AIM2: variants seen among roughly 807,000 people sequenced by gnomAD.
AIM2 encodes absent in melanoma 2, also known as interferon-inducible protein AIM2.
In AIM2, 30 loss-of-function variants were observed where a neutral mutation model predicts 27.7. The ratio of observed to expected loss-of-function variants is 1.08; its 90% confidence interval spans 0.81 to 1.47. AIM2 has a LOEUF of 1.47. Ranked by LOEUF, AIM2 falls within the 40% of genes most tolerant of loss-of-function variation. The probability of loss-of-function intolerance (pLI) is 0.00; values close to 1 mark genes in which losing one functional copy is unlikely to be tolerated. For missense variants in AIM2, 358 were observed against 411.3 expected (o/e 0.87, Z 1.12); for synonymous variants, 141 against 145.3 (o/e 0.97, Z 0.21).
At chr1:159,142,544 C>T (rs78435599), upstream of AIM2, among the ~76,000 whole-genome samples, 707 of 152,208 alleles carry the variant, frequency 4.6e-3, 11 homozygotes, top group African/African-American at 0.016. Flanking sequence ...TTGCTCAGCC[C>T]GGAATCCCTG....
At chr1:159,060,880 CATA>C (rs1655811694), downstream of AIM2, among the ~76,000 whole-genome samples, 1 of 152,130 alleles carries the variant, frequency 6.6e-6, no homozygotes, top group Non-Finnish European at 1.5e-5. Flanking sequence ...TGTGAACATA[CATA>C]ATTATTTCAA....
At chr1:159,067,572 C>T (rs1376535178) in intron 3 of AIM2, among the ~76,000 whole-genome samples, 1 of 152,192 alleles carries the variant, frequency 6.6e-6, no homozygotes, top group Non-Finnish European at 1.5e-5. Context: ...CTGAGGTCCA[C>T]TACAGAAGTC....
At chr1:159,084,778 T>TACACACAC (rs113134051) in intron 1 of AIM2, among the ~76,000 whole-genome samples, 24,783 of 134,852 alleles carry the variant, frequency 0.18, 2,926 homozygotes, top group Admixed American at 0.37. Flanking sequence ...CTGTCTGAAA[T>TACACACAC]ACACACACAC....
intron 1 of AIM2, among the ~76,000 whole-genome samples, chr1:159,127,354 C>T (rs1444224639): frequency 6.6e-6 from 1 of 152,228 alleles, no homozygotes; most frequent in African/African-American, 2.4e-5. Context: ...GCTCTCACGC[C>T]ACACTATCTT....
chr1:159,116,980 G>C (rs1395299757), intron 1 of AIM2, among the ~76,000 whole-genome samples: 1 of 151,204 alleles, frequency 6.6e-6, no homozygotes, highest in Admixed American at 6.6e-5. Flanking sequence ...TGTGAGTACA[G>C]AAAAAAAAAT....
chr1:159,129,888 C>T (rs1647821022), intron 1 of AIM2, among the ~76,000 whole-genome samples: 1 of 152,192 alleles, frequency 6.6e-6, no homozygotes, highest in South Asian at 2.1e-4. Flanking sequence ...CCTCCAGCTC[C>T]CATCCCATCC....
chr1:159,089,558 T>G (rs1372104716), intron 1 of AIM2, among the ~76,000 whole-genome samples: 3 of 152,238 alleles, frequency 2.0e-5, no homozygotes, highest in African/African-American at 7.2e-5. Context: ...CTGCTTAGTT[T>G]CACTATCTGG....
intron 1 of AIM2, among the ~76,000 whole-genome samples, chr1:159,102,731 T>G (rs1223043694): frequency 1.3e-5 from 2 of 152,238 alleles, no homozygotes; most frequent in East Asian, 3.8e-4. Flanking sequence ...ATGGGGCCTG[T>G]AGCCCCTTCT....
chr1:159,068,791 C>T (rs1656229782), intron 2 of AIM2, 90 bp from the exon 3 acceptor site: 2 of 1,308,626 alleles, frequency 1.5e-6, no homozygotes, highest in African/African-American at 1.5e-5. Flanking sequence ...AATACTAAAA[C>T]CATATTAAGA....
intron 3 of AIM2, among the ~76,000 whole-genome samples, chr1:159,067,862 C>G (rs1049549377): frequency 6.6e-6 from 1 of 152,070 alleles, no homozygotes; most frequent in Admixed American, 6.6e-5. Flanking sequence ...GCCTTTCTAA[C>G]GTTGTCTGCC....
At chr1:159,134,530 C>T (rs1427726637) in intron 1 of AIM2, among the ~76,000 whole-genome samples, 3 of 152,342 alleles carry the variant, frequency 2.0e-5, no homozygotes, top group South Asian at 2.1e-4. Flanking sequence ...AAACCAAACT[C>T]GCTTTACAGT....
intron 4 of AIM2, 95 bp downstream of exon 4, chr1:159,065,815 G>T (rs1656064632): frequency 5.3e-6 from 7 of 1,311,464 alleles, no homozygotes; most frequent in Non-Finnish European, 5.2e-6. Flanking sequence ...TGTCTATATA[G>T]AAAGACATTA....
intron 1 of AIM2, among the ~76,000 whole-genome samples, chr1:159,116,626 T>C (rs1464634812): frequency 1.3e-5 from 2 of 152,054 alleles, no homozygotes; most frequent in African/African-American, 4.8e-5. Flanking sequence ...AGGTGGGAAC[T>C]GAACAATGAG....
intron 1 of AIM2, among the ~76,000 whole-genome samples, chr1:159,105,018 G>A (rs1657400583): frequency 1.3e-5 from 2 of 152,174 alleles, no homozygotes; most frequent in Non-Finnish European, 2.9e-5. Context: ...TGGGCCTGCT[G>A]GGCTCATTCC....
At chr1:159,135,392 G>A (rs1426479305) in intron 1 of AIM2, among the ~76,000 whole-genome samples, 1 of 152,124 alleles carries the variant, frequency 6.6e-6, no homozygotes, top group Admixed American at 6.5e-5. Context: ...TCTAATATTT[G>A]GAGCCAGATT....
intron 1 of AIM2, among the ~76,000 whole-genome samples, chr1:159,090,386 A>G (rs546809349): frequency 6.6e-6 from 1 of 152,370 alleles, no homozygotes; most frequent in African/African-American, 2.4e-5. Flanking sequence ...AAAGTGCAAA[A>G]ATATACCAGA....
chr1:159,068,575 T>C lies in AIM2; in HGVS notation c.389A>G (p.His130Arg). 1.2e-6 allele frequency: 2 copies of C among 1,612,150 alleles called. No homozygotes were observed. The highest frequency in any genetic ancestry group is 1.7e-6 in the Non-Finnish European group (2 of 1,179,270). The change falls in exon 3 of 6, where the codon CAT (histidine) becomes CGT (arginine). Residue 130 changes from histidine (H) to arginine (R), a missense_variant. By Grantham distance (29) the His-to-Arg change is conservative. Transcript: ENST00000368130. The stretch of plus-strand genomic sequence containing the variant: ...CCACTCTCCTTATCCTACCTTAACA[T>C]GAGGAGAGACTTTTGGTGCAGCACG... ...KQRAAPKVSP[H>R]VKPEQKQMVA...
intron 1 of AIM2, among the ~76,000 whole-genome samples, chr1:159,085,349 T>A (rs1656883291): frequency 6.6e-6 from 1 of 152,168 alleles, no homozygotes; most frequent in South Asian, 2.1e-4. Context: ...ATGTGACACA[T>A]GGCCACTAAA....
chr1:159,139,992 C>A lies in AIM2; in HGVS notation c.-16+439G>T, dbSNP rs529437737. 7.9e-5 allele frequency among the ~76,000 whole-genome samples: 12 copies of A among 152,296 alleles called. No homozygotes were observed. The East Asian group carries it at 2.3e-3, about 29-fold the overall frequency. On this transcript the variant is annotated intron_variant, in intron 1 of 2. Transcript: ENST00000368129. ...GAATCAGGAAGATGTATGCAGTATT[C>A]TAGACTATGGTGGAAAAATGTGACA...
Sources: gnomAD v4.1 joint callset for allele counts (sites outside exome capture counted in the v4.1 genomes callset) on GRCh38, gnomAD v4.1.1 for gene constraint, MANE v1.5 for transcripts, NCBI Gene and HGNC (gene_info 2026-07-23, HGNC 2026-07-21) for gene names.